The following SPTBN5 variants were observed in gnomAD, a reference collection of about 807,000 sequenced individuals.
The protein encoded by SPTBN5 is spectrin beta chain, non-erythrocytic 5.
A neutral mutation model predicts 477.6 loss-of-function variants in SPTBN5; 513 were observed. The observed-to-expected ratio is 1.07, with a 90% confidence interval of 1.00 to 1.16. The LOEUF (loss-of-function observed/expected upper bound fraction) is 1.16, where lower values mean the gene tolerates loss of function less well. Ranked by LOEUF, SPTBN5 falls within the 50% of genes most tolerant of loss-of-function variation. The pLI is 0.00. For synonymous variants in SPTBN5, 2,169 were observed against 2,011.7 expected (o/e 1.08, Z -2.09); for missense variants, 5,062 against 4,731.8 (o/e 1.07, Z -2.05).
At chr15:41,871,246 G>T in intron 29 of SPTBN5, 129 bp downstream of exon 29, 2 of 1,130,750 alleles carry the variant, frequency 1.8e-6, no homozygotes, top group Non-Finnish European at 2.3e-6. Context: ...TAGGCCCCCT[G>T]CAGAGCCCCG....
At chr15:41,883,534 A>T (rs781728921) in intron 7 of SPTBN5, 48 bp from the exon 8 acceptor site, 17 of 1,588,860 alleles carry the variant, frequency 1.1e-5, no homozygotes, top group Non-Finnish European at 1.5e-5. Flanking sequence ...TGGGGCAGGG[A>T]AGCTACTTCA....
Position 41,853,714 on chromosome 15 carries a change from G to A in SPTBN5, c.9848C>T (p.Pro3283Leu), listed in dbSNP as rs1330997579. 3 of 1,594,470 alleles carry A rather than the reference G, an allele frequency of 1.9e-6. No homozygotes were observed. Among genetic ancestry groups the A allele is most frequent in the Admixed American group, 1.7e-5 (1 of 57,718 alleles). The stretch of plus-strand genomic sequence containing the variant: ...CTTGGCCAGGCCCCCCGGAGCTGCA[G>A]GATGTAGCTGGCCCAGTCGGCAGGC... Reference protein sequence around the residue: ...TEACRLGQLHPAAPGGLAKVQ... With the variant: ...TEACRLGQLHLAAPGGLAKVQ... The change falls in exon 58 of 68, where the codon CCT becomes CTT. Residue 3283 changes from proline to leucine, a missense_variant. Pro to Leu is a moderately conservative substitution (Grantham distance 98). Coordinates refer to ENST00000320955, the MANE Select transcript of SPTBN5 (RefSeq NM_016642.4).
At position 41,866,449 on chromosome 15, in the gene SPTBN5, CG is replaced by C; in HGVS notation, c.6524del (p.Pro2175ArgfsTer7). 1 of 1,599,860 alleles carries C rather than the reference CG, an allele frequency of 6.3e-7. No individual in the cohort carries two copies. The highest frequency in any genetic ancestry group is 1.3e-5 in the African/African-American group (1 of 74,332). On this transcript the variant is annotated frameshift_variant, in exon 37 of 68. Coordinates refer to ENST00000320955, the MANE Select transcript of SPTBN5 (RefSeq NM_016642.4). LOFTEE classifies it high-confidence loss of function. ...TATCTCTCAGGTCCCCAGGAGGGAC[CG>C]GCTCCTTCAGCTGCTGGGCCCACGC... ...IQAWAQQLKE[P>X]VPPGDLRDKL...
intron 67 of SPTBN5, among the ~76,000 whole-genome samples, chr15:41,849,378 G>A (rs1643302575): frequency 6.6e-6 from 1 of 152,222 alleles, no homozygotes; most frequent in African/African-American, 2.4e-5. Context: ...GCCATGGAGT[G>A]GGGATTGGGG....
intron 3 of SPTBN5, 56 bp downstream of exon 3, chr15:41,892,838 G>C (rs1818765054): frequency 6.6e-7 from 1 of 1,517,618 alleles, no homozygotes; most frequent in Non-Finnish European, 8.8e-7. Flanking sequence ...CAGTAGTTCA[G>C]CCTGTCCCAG....
Position 41,850,925 on chromosome 15 carries a change from G to A in SPTBN5, c.10850C>T (p.Ala3617Val), listed in dbSNP as rs769631587. 4.4e-6 allele frequency: 7 copies of A among 1,593,312 alleles called. No homozygotes were observed. Among genetic ancestry groups the A allele is most frequent in the South Asian group, 1.1e-5 (1 of 88,538 alleles). Residue 3617 changes from alanine (A) to valine (V), a missense_variant, in exon 66 of 68, where the codon GCA becomes GTA. Ala to Val is a moderately conservative substitution (Grantham distance 64). Coordinates refer to ENST00000320955, the MANE Select transcript of SPTBN5 (RefSeq NM_016642.4). Reference sequence around the variant, plus strand: ...GGACGGTGCTGCAAACAGGATCTCTGCCCCACTGGTCAGCCTGGCACCCAC... The same window carrying A: ...GGACGGTGCTGCAAACAGGATCTCTACCCCACTGGTCAGCCTGGCACCCAC... ...HTFSLRLTSG[A>V]EILFAAPSEE...
chr15:41,861,551 T>G, intron 45 of SPTBN5, 55 bp from the exon 46 acceptor site: 2 of 1,569,064 alleles, frequency 1.3e-6, no homozygotes, highest in Non-Finnish European at 1.8e-6. Context: ...GCCACTGCAG[T>G]TGGAGTGACT....
rs375424030 is a variant in SPTBN5 at position 41,873,940 on chromosome 15, C to T, written c.4795G>A (p.Glu1599Lys). ...TGGCCTTCCAGCTCCTGGCACTGCT[C>T]CACGATGTGTTGGGCTTGGGGGTGC... ...SGHPQAQHIV[E>K]QCQELEGHWA... is the part of the protein sequence containing the mutation. The change falls in exon 25 of 68, where the codon GAG becomes AAG. Residue 1599 changes from glutamate to lysine, a missense_variant. Glu to Lys is a moderately conservative substitution (Grantham distance 56, BLOSUM62 1). Transcript: ENST00000320955. The T allele has an allele frequency of 1.1e-5, 17 of 1,610,186 alleles. No individual in the cohort carries two copies. In the African/African-American group the frequency reaches 2.1e-4, roughly 20 times the overall value.
chr15:41,866,912 C>T (rs3816534), intron 36 of SPTBN5, 47 bp downstream of exon 36: 206,853 of 1,514,318 alleles, frequency 0.14, 18,122 homozygotes, highest in East Asian at 0.53. Context: ...TGAAAACTGT[C>T]GAGTGTGGTT....
rs370925662 is a variant in SPTBN5, at chr15:41,862,126, T to C, written c.7548+4A>G. ...GGAAAGGCTTGGGCCAGCTGCCCATTCACCTTGCACTCCTGATGCTCTTCT... is the reference window on the plus strand; with the variant it reads ...GGAAAGGCTTGGGCCAGCTGCCCATCCACCTTGCACTCCTGATGCTCTTCT... On this transcript the variant is annotated splice_donor_region_variant and intron_variant, in intron 44 of 67. Transcript: ENST00000320955. 5.1e-6 allele frequency: 8 copies of C among 1,560,878 alleles called. No homozygotes were observed. Among genetic ancestry groups the C allele is most frequent in the South Asian group, 1.2e-5 (1 of 84,676 alleles).
chr15:41,859,139 G>A (rs1595453624), intron 47 of SPTBN5, among the ~76,000 whole-genome samples, 159 bp from the exon 48 acceptor site: 1 of 152,096 alleles, frequency 6.6e-6, no homozygotes, highest in Non-Finnish European at 1.5e-5. Flanking sequence ...TGTCTGTTAT[G>A]CGCCGGATTT....
At chr15:41,853,169 T>G in intron 59 of SPTBN5, 89 bp downstream of exon 59, 1 of 1,510,990 alleles carries the variant, frequency 6.6e-7, no homozygotes, top group Non-Finnish European at 8.9e-7. Flanking sequence ...CCTTTCCTGC[T>G]GGTTTCCATG....
In SPTBN5 at chr15:41,853,573, G is replaced by A. The variant is rs894305611; in HGVS notation, c.9980+9C>T. Reference sequence around the variant, plus strand: ...AGAGCTGAGCCGGCAGCTGAGGTAGGACACCTACAGCAGTTCCTGGCAGCG... The same window carrying A: ...AGAGCTGAGCCGGCAGCTGAGGTAGAACACCTACAGCAGTTCCTGGCAGCG... On this transcript the variant is annotated intron_variant, in intron 58 of 67. Coordinates refer to ENST00000320955, the MANE Select transcript of SPTBN5 (RefSeq NM_016642.4). The A allele has an allele frequency of 3.2e-6, 5 of 1,562,338 alleles. No individual in the cohort carries two copies. The highest frequency in any genetic ancestry group is 1.4e-5 in the African/African-American group (1 of 74,016).
chr15:41,848,673 G>C, intron 67 of SPTBN5, 45 bp from the exon 68 acceptor site: 2 of 1,612,176 alleles, frequency 1.2e-6, no homozygotes, highest in South Asian at 1.1e-5. Flanking sequence ...GGCCACCCCA[G>C]AATCTTCTCC....
At chr15:41,852,093 T>A (rs1430173019) in intron 62 of SPTBN5, 89 bp downstream of exon 62, 1 of 1,469,688 alleles carries the variant, frequency 6.8e-7, no homozygotes, top group Non-Finnish European at 9.1e-7. Flanking sequence ...GGCTCCAGGG[T>A]GTGGGCCCTC....
chr15:41,854,174 A>C lies in SPTBN5; in HGVS notation c.9650T>G (p.Phe3217Cys). ...NLAAAHEVHS[F>C]QQAAAELQGR... ...CTGGAGCTCAGCTGCTGCCTGCTGAAAGCTGTGGACCTCATGGGCTGCAGC... is the reference window on the plus strand; with the variant it reads ...CTGGAGCTCAGCTGCTGCCTGCTGACAGCTGTGGACCTCATGGGCTGCAGC... Residue 3217 changes from phenylalanine to cysteine, a missense_variant, in exon 57 of 68, where the codon TTT (phenylalanine) becomes TGT (cysteine). By Grantham distance (205) the Phe-to-Cys change is radical. Transcript: ENST00000320955. 6.2e-7 allele frequency: 1 copy of C among 1,600,360 alleles called. No individual in the cohort carries two copies. The highest frequency in any genetic ancestry group is 1.1e-5 in the South Asian group (1 of 88,226).
At chr15:41,850,363 G>C (rs1447378681) in intron 66 of SPTBN5, 2 of 245,010 alleles carry the variant, frequency 8.2e-6, no homozygotes, top group Non-Finnish European at 1.6e-5. Flanking sequence ...AGAGCACGCT[G>C]ACCACGGAAG....
chr15:41,853,103 CTG>C (rs2065826955), intron 59 of SPTBN5, 103 bp from the exon 60 acceptor site: 4 of 1,431,618 alleles, frequency 2.8e-6, no homozygotes, highest in Non-Finnish European at 3.7e-6. Context: ...AGAGGGAAGG[CTG>C]TGAGACCCGC....
rs932128038 is a variant in SPTBN5 at position 41,850,913 on chromosome 15, A to C, written c.10862T>G (p.Phe3621Cys). 3 of 1,603,140 alleles carry C rather than the reference A, an allele frequency of 1.9e-6. No homozygotes were observed. The African/African-American group carries it at 4.1e-5, about 22-fold the overall frequency. ...AGCCTGCTCTTCGGACGGTGCTGCA[A>C]ACAGGATCTCTGCCCCACTGGTCAG... ...LRLTSGAEIL[F>C]AAPSEEQAES... The change falls in exon 66 of 68, where the codon TTT becomes TGT. Residue 3621 changes from phenylalanine (F) to cysteine (C), a missense_variant. Phe to Cys is a radical substitution (Grantham distance 205). Coordinates refer to ENST00000320955, the MANE Select transcript of SPTBN5 (RefSeq NM_016642.4).
Sources: gnomAD v4.1 joint callset for allele counts (sites outside exome capture counted in the v4.1 genomes callset) on GRCh38, gnomAD v4.1.1 for gene constraint, MANE v1.5 for transcripts, NCBI Gene and HGNC (gene_info 2026-07-23, HGNC 2026-07-21) for gene names.